PARD3B: variants seen among roughly 807,000 people sequenced by gnomAD.
PARD3B encodes partitioning defective 3 homolog B.
Under a neutral mutation model 130.2 loss-of-function variants are expected in PARD3B, and 103 were observed. The observed-to-expected ratio is 0.79, with a 90% CI of 0.67 to 0.93. PARD3B has a LOEUF of 0.93. PARD3B is among the 40% of genes least tolerant of loss of function. The probability of loss-of-function intolerance (pLI) is 0.00; values close to 1 mark genes in which losing one functional copy is unlikely to be tolerated. For synonymous variants in PARD3B, 583 were observed against 553.2 expected, an observed-to-expected ratio of 1.05 and a Z score of -0.76; for missense variants, 1,609 against 1,499.2, an observed-to-expected ratio of 1.07 and a Z score of -1.21.
chr2:204,781,568 G>T (rs986850721), intron 2 of PARD3B, among the ~76,000 whole-genome samples: 61 of 152,066 alleles, frequency 4.0e-4, no homozygotes, highest in African/African-American at 1.3e-3. Flanking sequence ...TAAGGATTCA[G>T]CTGTCAACTT....
chr2:204,777,610 A>G (rs541255407), intron 2 of PARD3B, among the ~76,000 whole-genome samples: 151 of 152,198 alleles, frequency 9.9e-4, no homozygotes, highest in Non-Finnish European at 1.4e-3. Flanking sequence ...TCTACAAAAA[A>G]TTAAAAAAAT....
Position 205,518,891 on chromosome 2 carries a change from T to TCAGAC in PARD3B, c.3180+18861_3180+18865dup, listed in dbSNP as rs529344926. On this transcript the variant is annotated intron_variant, in intron 21 of 22. Coordinates refer to ENST00000406610, the MANE Select transcript of PARD3B (RefSeq NM_001302769.2). The stretch of plus-strand genomic sequence containing the variant: ...ATTCTTGGTTGAAGATTTTTTTCTT[T>TCAGAC]CAGACACTTGAATATAGGCTGCCAA... Among the ~76,000 whole-genome samples, 127 of 152,326 alleles carry TCAGAC rather than the reference T, an allele frequency of 8.3e-4. 1 individual carries two copies. Among genetic ancestry groups the TCAGAC allele is most frequent in the Non-Finnish European group, 1.5e-3 (101 of 68,022 alleles).
In PARD3B at chr2:204,840,877, ACT is replaced by A. The variant is rs930838669; in HGVS notation, c.223-124274_223-124273del. Among the ~76,000 whole-genome samples, 39 of 152,278 alleles carry A rather than the reference ACT, an allele frequency of 2.6e-4. 1 individual carries two copies. Among genetic ancestry groups the A allele is most frequent in the African/African-American group, 9.4e-4 (39 of 41,548 alleles). ...CATTGTTAGTCTCTTATTCTGCCTAACTGATAAGCTTTATTGTATGTAAGTAT... is the reference window on the plus strand; with the variant it reads ...CATTGTTAGTCTCTTATTCTGCCTAAGATAAGCTTTATTGTATGTAAGTAT... On this transcript the variant is annotated intron_variant, in intron 2 of 22. Coordinates refer to ENST00000406610, the MANE Select transcript of PARD3B (RefSeq NM_001302769.2).
At chr2:204,586,723 G>A (rs2032843783) in intron 1 of PARD3B, among the ~76,000 whole-genome samples, 1 of 152,076 alleles carries the variant, frequency 6.6e-6, no homozygotes, top group Non-Finnish European at 1.5e-5. Context: ...ACAGCTTGTG[G>A]TACACCTATT....
intron 22 of PARD3B, among the ~76,000 whole-genome samples, chr2:205,577,101 A>G (rs2106560506): frequency 6.6e-6 from 1 of 152,218 alleles, no homozygotes; most frequent in East Asian, 1.9e-4. Context: ...GTTCATTACC[A>G]GTGTATACGA....
intron 15 of PARD3B, among the ~76,000 whole-genome samples, chr2:205,197,728 A>G (rs1000415478): frequency 3.9e-5 from 6 of 152,226 alleles, no homozygotes; most frequent in African/African-American, 1.4e-4. Flanking sequence ...TGGAGAGTGG[A>G]TACTTCTGGG....
chr2:205,424,743 G>GGGTT (rs2106106517), intron 19 of PARD3B, among the ~76,000 whole-genome samples: 1 of 152,224 alleles, frequency 6.6e-6, no homozygotes, highest in African/African-American at 2.4e-5. Context: ...TCAACAGAAG[G>GGGTT]GGTTGATCCT....
chr2:204,855,459 T>C (rs2044888500), intron 2 of PARD3B, among the ~76,000 whole-genome samples: 1 of 151,520 alleles, frequency 6.6e-6, no homozygotes, highest in Admixed American at 6.6e-5. Context: ...GGAGAATCAC[T>C]TGAACCCAGG....
chr2:205,332,790 C>A (rs1327564838), intron 18 of PARD3B, among the ~76,000 whole-genome samples: 1 of 152,072 alleles, frequency 6.6e-6, no homozygotes, highest in African/African-American at 2.4e-5. Flanking sequence ...ACTGAAAACC[C>A]ACAGTGTGCA....
At chr2:205,007,984 C>T (rs980951516) in intron 3 of PARD3B, among the ~76,000 whole-genome samples, 17 of 151,990 alleles carry the variant, frequency 1.1e-4, no homozygotes, top group African/African-American at 3.4e-4. Flanking sequence ...TGGTTTGATT[C>T]TCAGCTTGGT....
chr2:204,745,624 A>G (rs1182928337), intron 2 of PARD3B, among the ~76,000 whole-genome samples: 1 of 152,016 alleles, frequency 6.6e-6, no homozygotes, highest in Non-Finnish European at 1.5e-5. Flanking sequence ...GCTGGTCTCA[A>G]ACTCCTGGCT....
chr2:205,189,399 C>T (rs988450540), intron 14 of PARD3B, among the ~76,000 whole-genome samples: 1 of 152,192 alleles, frequency 6.6e-6, no homozygotes, highest in African/African-American at 2.4e-5. Context: ...TCATGCTACC[C>T]TTACTTATTC....
chr2:205,214,316 T>C (rs922319964), intron 15 of PARD3B, among the ~76,000 whole-genome samples: 7 of 152,070 alleles, frequency 4.6e-5, no homozygotes, highest in Admixed American at 1.3e-4. Context: ...ATTCAAAACA[T>C]GCTTGAACTG....
intron 20 of PARD3B, among the ~76,000 whole-genome samples, chr2:205,462,528 G>T (rs753118308): frequency 6.6e-6 from 1 of 152,168 alleles, no homozygotes; most frequent in African/African-American, 2.4e-5. Context: ...CTGCACCTCA[G>T]TTCACATTGT....
intron 3 of PARD3B, among the ~76,000 whole-genome samples, chr2:205,024,133 T>G (rs183584998): frequency 6.6e-6 from 1 of 151,642 alleles, no homozygotes; most frequent in Admixed American, 6.6e-5. Flanking sequence ...GCTATGATCA[T>G]GTATGCCTCA....
chr2:205,060,593 G>A (rs940169197), intron 4 of PARD3B, among the ~76,000 whole-genome samples: 4 of 152,024 alleles, frequency 2.6e-5, no homozygotes, highest in Non-Finnish European at 4.4e-5. Context: ...TATTGGCCAC[G>A]GTGGAATTGC....
chr2:205,368,174 A>G (rs933791425), intron 18 of PARD3B, among the ~76,000 whole-genome samples: 2 of 152,222 alleles, frequency 1.3e-5, no homozygotes, highest in African/African-American at 4.8e-5. Context: ...TACTATATCC[A>G]TGGCATGATT....
At chr2:205,505,635 G>A (rs1314686371) in intron 21 of PARD3B, among the ~76,000 whole-genome samples, 1 of 152,170 alleles carries the variant, frequency 6.6e-6, no homozygotes. Context: ...ATTTGCCAGA[G>A]GAAAACATAA....
chr2:204,688,798 G>GC (rs1336905860), intron 2 of PARD3B, among the ~76,000 whole-genome samples: 1 of 152,018 alleles, frequency 6.6e-6, no homozygotes, highest in African/African-American at 2.4e-5. Context: ...ATCCTTTGAG[G>GC]CGGTATTGAG....
Sources: allele counts gnomAD v4.1 joint callset (sites outside exome capture counted in the v4.1 genomes callset), GRCh38; gene constraint gnomAD v4.1.1; transcripts MANE v1.5; gene names NCBI Gene and HGNC (gene_info 2026-07-23, HGNC 2026-07-21).